NUP37: variants seen among roughly 807,000 people sequenced by gnomAD.
NUP37 encodes nucleoporin Nup37.
A neutral mutation model predicts 45.4 loss-of-function variants in NUP37; 33 were observed. That is an observed-to-expected ratio of 0.73 (90% CI 0.55 to 0.97). NUP37 has a LOEUF of 0.97. Among genes scored for constraint, NUP37 ranks in the 50% least tolerant of loss-of-function variants. NUP37 has a pLI of 0.00. For synonymous variants in NUP37, 127 were observed against 130.7 expected (o/e 0.97, Z 0.19); for missense variants, 365 against 389.7 (o/e 0.94, Z 0.53).
rs145843606 is a variant in NUP37 at position 102,074,973 on chromosome 12, C to T, written c.867+28G>A. ...ACACAAATTAAAAAAAAAAAAAGCA[C>T]GTATGTTACAAAACATTTCCACATT... On this transcript the variant is annotated intron_variant, in intron 9 of 9. Coordinates refer to ENST00000552283, the MANE Select transcript of NUP37 (RefSeq NM_024057.4). The T allele has an allele frequency of 4.7e-3, 6,344 of 1,339,724 alleles. 46 individuals are homozygous for T. The highest frequency in any genetic ancestry group is 0.015 in the Middle Eastern group (76 of 5,202). The allele number at this position is 1,339,724 out of a possible 1,614,324, so 83.0% of individuals were successfully genotyped here.
At chr12:102,104,442 T>C (rs1237714572) in intron 3 of NUP37, among the ~76,000 whole-genome samples, 2 of 152,190 alleles carry the variant, frequency 1.3e-5, no homozygotes, top group East Asian at 3.8e-4. Flanking sequence ...TCTGTTGACT[T>C]CCCTTGCCAT....
chr12:102,077,289 G>A (rs763673297), intron 7 of NUP37, 33 bp downstream of exon 7: 2 of 1,602,172 alleles, frequency 1.2e-6, no homozygotes. Flanking sequence ...GCCTTTTTTT[G>A]GTGTGTAATA....
chr12:102,100,950 A>G lies in NUP37; in HGVS notation c.354+82T>C. ...TGATGACCATAAAAAGCCATTTTAA[A>G]TTGGAATAAATCCAATTAAAAAAGC... is the stretch of plus-strand genomic sequence containing the variant. On this transcript the variant is annotated intron_variant, in intron 4 of 9. Coordinates refer to ENST00000552283, the MANE Select transcript of NUP37 (RefSeq NM_024057.4). The G allele has an allele frequency of 3.8e-6, 3 of 786,538 alleles. 1 individual carries two copies. The Admixed American group carries it at 1.0e-4, about 26-fold the overall frequency. The allele number at this position is 786,538 out of a possible 1,614,324, so 48.7% of individuals were successfully genotyped here.
intron 5 of NUP37, among the ~76,000 whole-genome samples, chr12:102,093,053 T>A (rs930904652): frequency 1.3e-5 from 2 of 152,048 alleles, no homozygotes; most frequent in African/African-American, 4.8e-5. Flanking sequence ...AGAGCAAGAA[T>A]TAAAAGGGCA....
chr12:102,074,632 C>G (rs1879117581), intron 9 of NUP37, 165 bp from the exon 10 acceptor site: 1 of 561,236 alleles, frequency 1.8e-6, no homozygotes, highest in African/African-American at 1.9e-5. Context: ...TGATACGCAG[C>G]TGAAACATGG....
At chr12:102,087,513 T>G (rs759824504) in intron 5 of NUP37, among the ~76,000 whole-genome samples, 8 of 152,354 alleles carry the variant, frequency 5.3e-5, no homozygotes, top group Non-Finnish European at 1.0e-4. Flanking sequence ...AATTACAATT[T>G]AATTGAAGAG....
In NUP37 at chr12:102,074,424, C is replaced by T; in HGVS notation, c.911G>A (p.Trp304Ter). 6.2e-7 allele frequency: 1 copy of T among 1,612,724 alleles called. No homozygotes were observed. Among genetic ancestry groups the T allele is most frequent in the Non-Finnish European group, 8.5e-7 (1 of 1,179,194 alleles). The part of the protein sequence containing the change: ...GSVAVGSGLS[W>*]HRTLPLCVIG... ...TACACACAGAGGGAGAGTTCGATGCCAGGACAGTCCAGATCCAACGGCTAC... is the reference window on the plus strand; with the variant it reads ...TACACACAGAGGGAGAGTTCGATGCTAGGACAGTCCAGATCCAACGGCTAC... The change falls in exon 10 of 10, where the codon TGG becomes TAG. Residue 304 changes from tryptophan (W) to a stop codon, truncating the protein, a stop_gained. Coordinates refer to ENST00000552283, the MANE Select transcript of NUP37 (RefSeq NM_024057.4). LOFTEE classifies it high-confidence loss of function.
At chr12:102,103,949 G>A (rs994735287) in intron 3 of NUP37, among the ~76,000 whole-genome samples, 4 of 152,106 alleles carry the variant, frequency 2.6e-5, no homozygotes, top group African/African-American at 9.7e-5. Flanking sequence ...TTTAAGATTA[G>A]GAACAAGACA....
intron 3 of NUP37, among the ~76,000 whole-genome samples, chr12:102,109,343 G>A (rs1433913396): frequency 1.3e-5 from 2 of 152,144 alleles, no homozygotes; most frequent in Admixed American, 6.5e-5. Context: ...TGATAAGAGA[G>A]ATGCTGAGTT....
chr12:102,087,420 T>C (rs1259101154), intron 5 of NUP37, among the ~76,000 whole-genome samples: 1 of 152,214 alleles, frequency 6.6e-6, no homozygotes, highest in Non-Finnish European at 1.5e-5. Flanking sequence ...AAAATGATTA[T>C]CTTAATGATT....
intron 6 of NUP37, among the ~76,000 whole-genome samples, chr12:102,081,046 C>T (rs780455848): frequency 2.0e-5 from 3 of 152,172 alleles, no homozygotes; most frequent in Non-Finnish European, 4.4e-5. Context: ...GCTCTGCCTT[C>T]AGGAGCTGTA....
chr12:102,099,859 T>A (rs1017920107), intron 4 of NUP37, among the ~76,000 whole-genome samples: 4 of 152,214 alleles, frequency 2.6e-5, no homozygotes, highest in African/African-American at 7.2e-5. Flanking sequence ...GTCAGATAAT[T>A]ACTTTAATGG....
intron 6 of NUP37, among the ~76,000 whole-genome samples, chr12:102,082,606 G>C (rs1167372909): frequency 1.3e-5 from 2 of 152,214 alleles, no homozygotes; most frequent in Non-Finnish European, 2.9e-5. Context: ...TAAGTAACTT[G>C]TCAGAGATCA....
Position 102,089,295 on chromosome 12 carries a change from G to A in NUP37, c.450-3439C>T, listed in dbSNP as rs185131951. 5.9e-3 allele frequency among the ~76,000 whole-genome samples: 892 copies of A among 152,174 alleles called. 11 individuals are homozygous for A. Among genetic ancestry groups the A allele is most frequent in the African/African-American group, 0.02 (836 of 41,500 alleles). The stretch of plus-strand genomic sequence containing the variant: ...TGGAAGATTGCACAGTGGCCAGGCA[G>A]AGGCGCTCCTCACTTCCCAGACGGG... On this transcript the variant is annotated intron_variant, in intron 5 of 9. Transcript: ENST00000552283.
At chr12:102,099,466 A>G (rs910912178) in intron 4 of NUP37, among the ~76,000 whole-genome samples, 3 of 152,112 alleles carry the variant, frequency 2.0e-5, no homozygotes, top group African/African-American at 7.2e-5. Context: ...ACACACACAC[A>G]CACACATTTT....
chr12:102,115,843 G>C (rs1880446909), intron 2 of NUP37: 2 of 979,600 alleles, frequency 2.0e-6, no homozygotes, highest in Non-Finnish European at 2.4e-6. Context: ...CATGAAACTG[G>C]GTGCAATGGA....
At chr12:102,115,122 C>T (rs1203085012) in intron 2 of NUP37, among the ~76,000 whole-genome samples, 1 of 152,160 alleles carries the variant, frequency 6.6e-6, no homozygotes, top group Non-Finnish European at 1.5e-5. Flanking sequence ...ACCTCTTTCA[C>T]AGTTTTAAAC....
chr12:102,102,089 C>A, intron 3 of NUP37, among the ~76,000 whole-genome samples: 1 of 152,056 alleles, frequency 6.6e-6, no homozygotes, highest in East Asian at 1.9e-4. Context: ...GGATGTGAGA[C>A]AATGGCTGAG....
intron 1 of NUP37, among the ~76,000 whole-genome samples, chr12:102,119,676 G>A (rs928258396): frequency 2.6e-5 from 4 of 152,186 alleles, no homozygotes; most frequent in East Asian, 1.9e-4. Flanking sequence ...AGGGACTGGA[G>A]ACTTTTGAAG....
Sources: gnomAD v4.1 joint callset for allele counts (sites outside exome capture counted in the v4.1 genomes callset) on GRCh38, gnomAD v4.1.1 for gene constraint, MANE v1.5 for transcripts, NCBI Gene and HGNC (gene_info 2026-07-23, HGNC 2026-07-21) for gene names.